Variants in CDH12 observed in about 807,000 individuals in gnomAD.
CDH12 encodes the protein cadherin-12.
CDH12 carries 41 observed loss-of-function variants against 74.1 expected under a neutral mutation model. The observed-to-expected ratio is 0.55, with a 90% CI of 0.43 to 0.72. The LOEUF is 0.72. Ranked by LOEUF, CDH12 falls within the 30% of genes least tolerant of loss-of-function variation. The pLI, the probability that CDH12 is intolerant of heterozygous loss-of-function variation, is 0.00. For missense variants in CDH12, 945 were observed against 977.2 expected, an observed-to-expected ratio of 0.97 and a Z score of 0.44; for synonymous variants, 399 against 355.0, an observed-to-expected ratio of 1.12 and a Z score of -1.39.
chr5:22,225,878 A>G (rs1016054756), intron 3 of CDH12, among the ~76,000 whole-genome samples: 2 of 151,626 alleles, frequency 1.3e-5, no homozygotes, highest in Non-Finnish European at 2.9e-5. Context: ...TAATGTTAAC[A>G]TTAAATGCAC....
chr5:22,030,252 C>T (rs1248171096), intron 5 of CDH12, among the ~76,000 whole-genome samples: 1 of 151,848 alleles, frequency 6.6e-6, no homozygotes, highest in Non-Finnish European at 1.5e-5. Flanking sequence ...TACCCCAAAA[C>T]TTAAAGTTTA....
chr5:21,982,259 AT>A (rs1336588918), intron 5 of CDH12, among the ~76,000 whole-genome samples: 1 of 151,510 alleles, frequency 6.6e-6, no homozygotes, highest in Non-Finnish European at 1.5e-5. Flanking sequence ...AGACACTGGA[AT>A]TTTTTTTCTG....
chr5:21,826,706 T>C (rs1359584315), intron 8 of CDH12, among the ~76,000 whole-genome samples: 2 of 152,200 alleles, frequency 1.3e-5, no homozygotes, highest in Admixed American at 1.3e-4. Flanking sequence ...AACGAATAAA[T>C]TTTTAAATAG....
intron 2 of CDH12, among the ~76,000 whole-genome samples, chr5:22,455,332 A>G (rs545619688): frequency 2.0e-5 from 3 of 152,324 alleles, no homozygotes; most frequent in Admixed American, 2.0e-4. Flanking sequence ...AGAAATCAAT[A>G]GATAAATTTT....
chr5:22,347,755 G>A (rs1740179654), intron 3 of CDH12, among the ~76,000 whole-genome samples: 1 of 152,094 alleles, frequency 6.6e-6, no homozygotes, highest in African/African-American at 2.4e-5. Flanking sequence ...TTACCATCAG[G>A]ATTCCTATTA....
intron 5 of CDH12, among the ~76,000 whole-genome samples, chr5:21,997,599 T>C (rs1736371386): frequency 6.6e-6 from 1 of 152,098 alleles, no homozygotes; most frequent in Non-Finnish European, 1.5e-5. Context: ...AAAAATGATA[T>C]TTCTCCATGG....
At chr5:21,833,288 C>CATATAATATATATTATATGTT (rs1561225652) in intron 8 of CDH12, among the ~76,000 whole-genome samples, 5 of 38,342 alleles carry the variant, frequency 1.3e-4, no homozygotes, top group Non-Finnish European at 1.8e-4. Context: ...TGTTATATAA[C>CATATAATATATATTATATGTT]ATATAATATA....
chr5:22,726,491 G>A (rs575331165), intron 1 of CDH12, among the ~76,000 whole-genome samples: 26 of 151,852 alleles, frequency 1.7e-4, no homozygotes, highest in East Asian at 5.8e-4. Context: ...TGTGATTGCT[G>A]GATAGTATAG....
intron 3 of CDH12, among the ~76,000 whole-genome samples, chr5:22,223,753 G>A (rs1210545736): frequency 6.6e-6 from 1 of 151,918 alleles, no homozygotes; most frequent in East Asian, 1.9e-4. Flanking sequence ...TGTAGGAGAG[G>A]ACTGTGAAAA....
At chr5:22,033,801 A>G (rs148444588) in intron 5 of CDH12, among the ~76,000 whole-genome samples, 3 of 152,294 alleles carry the variant, frequency 2.0e-5, no homozygotes, top group East Asian at 1.9e-4. Context: ...TTTCCCACAC[A>G]GTATGAGAGC....
intron 1 of CDH12, among the ~76,000 whole-genome samples, chr5:22,751,337 T>C (rs1561004334): frequency 1.7e-5 from 1 of 59,318 alleles, no homozygotes; most frequent in Non-Finnish European, 4.1e-5. Flanking sequence ...ATATATAATA[T>C]ACATATATAT....
At chr5:22,518,118 C>A (rs1187275399) in intron 1 of CDH12, among the ~76,000 whole-genome samples, 1 of 152,154 alleles carries the variant, frequency 6.6e-6, no homozygotes, top group Non-Finnish European at 1.5e-5. Context: ...CTACACAATC[C>A]ATGGGCTCAT....
At chr5:22,273,264 A>G (rs1351305329) in intron 3 of CDH12, among the ~76,000 whole-genome samples, 1 of 152,234 alleles carries the variant, frequency 6.6e-6, no homozygotes, top group Non-Finnish European at 1.5e-5. Context: ...TGAAGACATT[A>G]AAAGTAATTT....
chr5:22,191,627 G>C (rs1487213717), intron 4 of CDH12, among the ~76,000 whole-genome samples: 2 of 58,414 alleles, frequency 3.4e-5, no homozygotes, highest in Admixed American at 2.2e-4. Context: ...TGCAGTGGCG[G>C]GATCTCGGCT....
intron 3 of CDH12, among the ~76,000 whole-genome samples, chr5:22,239,468 C>T (rs1438477067): frequency 6.6e-6 from 1 of 151,840 alleles, no homozygotes; most frequent in Non-Finnish European, 1.5e-5. Flanking sequence ...GCAGTATCTT[C>T]ACACGTCTGC....
intron 3 of CDH12, among the ~76,000 whole-genome samples, chr5:22,309,159 G>A (rs980861594): frequency 1.3e-5 from 2 of 151,968 alleles, no homozygotes; most frequent in African/African-American, 2.4e-5. Context: ...ATATATTGAG[G>A]CTGGCATAAG....
At chr5:21,997,260 C>G (rs1232864655) in intron 5 of CDH12, among the ~76,000 whole-genome samples, 1 of 152,040 alleles carries the variant, frequency 6.6e-6, no homozygotes, top group Non-Finnish European at 1.5e-5. Context: ...TTACTGTAAT[C>G]TATTTTAGAA....
rs138698786 is a variant in CDH12 at position 21,849,410 on chromosome 5, C to A, written c.646+5261G>T. Among the ~76,000 whole-genome samples the A allele has an allele frequency of 7.3e-3, 1,105 of 151,956 alleles. 13 individuals are homozygous for A. The highest frequency in any genetic ancestry group is 0.025 in the African/African-American group (1,049 of 41,526). ...CAGAATACAAGAAAATGATTGCCTG[C>A]AGTGCATTCCTGGGCATGGAATTTA... On this transcript the variant is annotated intron_variant, in intron 7 of 14. Transcript: ENST00000382254.
chr5:22,176,345 A>AAT (rs879339345), intron 4 of CDH12, among the ~76,000 whole-genome samples: 1 of 152,052 alleles, frequency 6.6e-6, no homozygotes. Context: ...TTAACTGATC[A>AAT]ATATATAGTA....
Sources: allele counts gnomAD v4.1 joint callset (sites outside exome capture counted in the v4.1 genomes callset), GRCh38; gene constraint gnomAD v4.1.1; transcripts MANE v1.5; gene names NCBI Gene and HGNC (gene_info 2026-07-23, HGNC 2026-07-21).